Variants in MOV10L1 observed in about 807,000 individuals in gnomAD.
The protein encoded by MOV10L1 is RNA helicase Mov10l1.
A neutral mutation model predicts 143.8 loss-of-function variants in MOV10L1; 110 were observed. The observed-to-expected ratio is 0.76, with a 90% CI of 0.66 to 0.90. The LOEUF (loss-of-function observed/expected upper bound fraction) is 0.90, where lower values mean the gene tolerates loss of function less well. Ranked by LOEUF, MOV10L1 falls within the 40% of genes least tolerant of loss-of-function variation. The pLI, the probability that MOV10L1 is intolerant of heterozygous loss-of-function variation, is 0.00. For missense variants in MOV10L1, 1,406 were observed against 1,526.8 expected (o/e 0.92, Z 1.32); for synonymous variants, 593 against 581.1 (o/e 1.02, Z -0.29).
intron 3 of MOV10L1, among the ~76,000 whole-genome samples, chr22:50,104,557 A>G (rs1041619434): frequency 6.6e-6 from 1 of 152,212 alleles, no homozygotes; most frequent in Non-Finnish European, 1.5e-5. Context: ...GGATGTCAGA[A>G]TTAAAATTAG....
At chr22:50,106,560 C>T (rs1016479121) in intron 3 of MOV10L1, among the ~76,000 whole-genome samples, 3 of 151,952 alleles carry the variant, frequency 2.0e-5, no homozygotes, top group Admixed American at 6.6e-5. Flanking sequence ...CTTCACTTTT[C>T]ATTTATGTCC....
At position 50,145,913 on chromosome 22, in the gene MOV10L1, T is replaced by C. The variant is rs2063140521; in HGVS notation, c.2627+103T>C. 7 of 1,526,352 alleles carry C rather than the reference T, an allele frequency of 4.6e-6. No homozygotes were observed. The South Asian group carries it at 4.6e-5, about 10-fold the overall frequency. The allele number at this position is 1,526,352 out of a possible 1,614,324, so 94.6% of individuals were successfully genotyped here. On this transcript the variant is annotated intron_variant, in intron 19 of 26. Coordinates refer to ENST00000262794, the MANE Select transcript of MOV10L1 (RefSeq NM_018995.3). Reference sequence around the variant, plus strand: ...GGCGGATGACCCAGAGACTCAGTGCTCAGGGAGGGAGGCAGGGCTGTGGGC... The same window carrying C: ...GGCGGATGACCCAGAGACTCAGTGCCCAGGGAGGGAGGCAGGGCTGTGGGC...
chr22:50,145,747 C>T lies in MOV10L1; in HGVS notation c.2564C>T (p.Ser855Leu), dbSNP rs768396202. ...GACGGAGAAGACATCTGGAAAGCCT[C>T]ACGCTTCCGGATAATCATCACCACA... ...CRDGEDIWKA[S>L]RFRIIITTCS... The change falls in exon 19 of 27, where the codon TCA (serine) becomes TTA (leucine). Residue 855 changes from serine (S) to leucine (L), a missense_variant. Transcript: ENST00000262794. 1.9e-6 allele frequency: 3 copies of T among 1,614,160 alleles called. No individual in the cohort carries two copies. Among genetic ancestry groups the T allele is most frequent in the Admixed American group, 1.7e-5 (1 of 60,026 alleles).
At chr22:50,151,737 G>A (rs1159092962) in intron 21 of MOV10L1, among the ~76,000 whole-genome samples, 1 of 152,248 alleles carries the variant, frequency 6.6e-6, no homozygotes, top group Non-Finnish European at 1.5e-5. Context: ...TGCTTTGCTG[G>A]AGGTGTGGGT....
intron 3 of MOV10L1, 56 bp downstream of exon 3, chr22:50,099,658 T>C: frequency 6.4e-7 from 1 of 1,564,450 alleles, no homozygotes; most frequent in Non-Finnish European, 8.7e-7. Flanking sequence ...TTTTAAAGAA[T>C]TGTTATGGAC....
chr22:50,099,012 A>G (rs2062668606), intron 2 of MOV10L1, among the ~76,000 whole-genome samples: 1 of 152,234 alleles, frequency 6.6e-6, no homozygotes, highest in Non-Finnish European at 1.5e-5. Context: ...GATAAACCCC[A>G]CTTAGTCATG....
chr22:50,146,034 A>G (rs1569037647), intron 19 of MOV10L1, among the ~76,000 whole-genome samples: 1 of 152,154 alleles, frequency 6.6e-6, no homozygotes, highest in Non-Finnish European at 1.5e-5. Context: ...GGGCAGGCAG[A>G]TGGACTGGCC....
chr22:50,161,107 C>G (rs2063549480), intron 26 of MOV10L1, 52 bp downstream of exon 26: 2 of 1,551,290 alleles, frequency 1.3e-6, no homozygotes, highest in African/African-American at 1.4e-5. Context: ...AGAACGTGCT[C>G]TAGCCTGCCC....
At position 50,090,049 on chromosome 22, in the gene MOV10L1, C is replaced by G. The variant is rs910494979; in HGVS notation, c.-40C>G. ...GAGCGGCGCGGGCGCGTGCGGGCGG[C>G]GGCAGCGGCGGTGACGGCAGCCTAG... On this transcript the variant is annotated 5_prime_UTR_variant, in exon 1 of 27. Transcript: ENST00000262794. 8 of 1,206,678 alleles carry G rather than the reference C, an allele frequency of 6.6e-6. No homozygotes were observed. Among genetic ancestry groups the G allele is most frequent in the Admixed American group, 4.8e-5 (1 of 20,858 alleles). 74.7% of individuals were successfully genotyped at this position (1,206,678 alleles called of 1,614,324 possible).
At chr22:50,131,278 T>TG (rs1389306188) in intron 13 of MOV10L1, among the ~76,000 whole-genome samples, 3 of 152,304 alleles carry the variant, frequency 2.0e-5, no homozygotes, top group African/African-American at 2.4e-5. Flanking sequence ...CTCAAGTCTT[T>TG]GGGCCCATTT....
chr22:50,128,303 G>T, intron 12 of MOV10L1, 113 bp from the exon 13 acceptor site: 2 of 644,732 alleles, frequency 3.1e-6, no homozygotes, highest in Non-Finnish European at 2.8e-6. Context: ...AACTAATTTT[G>T]CAGATATCAA....
In MOV10L1 at chr22:50,120,643, G is replaced by A. The variant is rs750969584; in HGVS notation, c.1569+27G>A. On this transcript the variant is annotated intron_variant, in intron 10 of 26. Transcript: ENST00000262794. ...TAGGAAGTGTCTCATGGCCTGTGGGGTGTTGGCATCTTCTAATGCTCTTGT... is the reference window on the plus strand; with the variant it reads ...TAGGAAGTGTCTCATGGCCTGTGGGATGTTGGCATCTTCTAATGCTCTTGT... The A allele has an allele frequency of 7.4e-6, 11 of 1,488,642 alleles. No individual in the cohort carries two copies. In the African/African-American group the frequency reaches 1.1e-4, roughly 15 times the overall value. The allele number at this position is 1,488,642 out of a possible 1,614,324, so 92.2% of individuals were successfully genotyped here. A position where few individuals can be genotyped will look rare whatever the true frequency, so the allele number is the denominator to read the frequency against.
Position 50,114,490 on chromosome 22 carries a change from G to T in MOV10L1, c.994G>T (p.Val332Leu). ...GGATAAAGACCAGATGTGCCCCGTG[G>T]TATCTTTTGTTTCTGTTCCTGAGAA... Reference protein sequence around the residue: ...MLDKDQMCPVVSFVSVPEKEN... With the variant: ...MLDKDQMCPVLSFVSVPEKEN... The change falls in exon 7 of 27, where the codon GTA (valine) becomes TTA (leucine). Residue 332 changes from valine to leucine, a missense_variant. By Grantham distance (32) the Val-to-Leu change is conservative. Transcript: ENST00000262794. The T allele has an allele frequency of 1.9e-6, 3 of 1,614,140 alleles. No homozygotes were observed. The highest frequency in any genetic ancestry group is 2.5e-6 in the Non-Finnish European group (3 of 1,180,016).
chr22:50,146,993 C>A, intron 19 of MOV10L1: 1 of 1,470,566 alleles, frequency 6.8e-7, no homozygotes, highest in South Asian at 1.2e-5. Context: ...CCGGATTGGA[C>A]AGCACGGATC....
chr22:50,106,103 A>G (rs2061858187), intron 3 of MOV10L1, among the ~76,000 whole-genome samples: 1 of 152,222 alleles, frequency 6.6e-6, no homozygotes, highest in Non-Finnish European at 1.5e-5. Flanking sequence ...ATTCACCATA[A>G]TGTCAAATAT....
chr22:50,107,918 G>T (rs1228746712), intron 3 of MOV10L1, among the ~76,000 whole-genome samples: 1 of 152,256 alleles, frequency 6.6e-6, no homozygotes, highest in Non-Finnish European at 1.5e-5. Flanking sequence ...GCCTGGAGGT[G>T]TGAGTGAGAG....
chr22:50,118,469 A>G (rs1181498266), intron 9 of MOV10L1, among the ~76,000 whole-genome samples: 1 of 152,214 alleles, frequency 6.6e-6, no homozygotes, highest in South Asian at 2.1e-4. Context: ...TGCCTGATGC[A>G]CTAGGGGCCA....
chr22:50,110,309 C>T (rs11703630), intron 5 of MOV10L1, among the ~76,000 whole-genome samples: 34,002 of 150,326 alleles, frequency 0.23, 4,144 homozygotes, highest in Admixed American at 0.35. Context: ...ATTAGCCAGG[C>T]GTGGTGGCCG....
At position 50,152,218 on chromosome 22, in the gene MOV10L1, GT is replaced by G. The variant is rs1477146454; in HGVS notation, c.2893-825del. Reference sequence around the variant, plus strand: ...CCCAAGGAGGGAGAGCCCTAGGCTTGTTCTCCCCAGCAGTGTCTCCCCGAGG... The same window carrying G: ...CCCAAGGAGGGAGAGCCCTAGGCTTGTCTCCCCAGCAGTGTCTCCCCGAGG... On this transcript the variant is annotated intron_variant, in intron 21 of 26. Transcript: ENST00000262794. The surrounding 1 kb of genome is among the most constrained non-coding windows in gnomAD (Gnocchi z 4.4). Among the ~76,000 whole-genome samples the G allele has an allele frequency of 1.3e-5, 2 of 152,232 alleles. No homozygotes were observed. The highest frequency in any genetic ancestry group is 3.8e-4 in the East Asian group (2 of 5,200).
Sources: allele counts gnomAD v4.1 joint callset (sites outside exome capture counted in the v4.1 genomes callset), GRCh38; gene constraint gnomAD v4.1.1; non-coding constraint Gnocchi (gnomAD v3.1); transcripts MANE v1.5; gene names NCBI Gene and HGNC (gene_info 2026-07-23, HGNC 2026-07-21).